The following ATG4B variants were observed in gnomAD, a reference collection of about 807,000 sequenced individuals.
The protein encoded by ATG4B is autophagy related 4B cysteine peptidase.
A neutral mutation model predicts 56.6 loss-of-function variants in ATG4B; 29 were observed. The observed-to-expected ratio is 0.51, with a 90% CI of 0.38 to 0.70. The LOEUF is 0.70. Among genes scored for constraint, ATG4B ranks in the 30% least tolerant of loss-of-function variants. The pLI is 0.00. For missense variants in ATG4B, 461 were observed against 515.5 expected, an observed-to-expected ratio of 0.89 and a Z score of 1.02; for synonymous variants, 224 against 206.1, an observed-to-expected ratio of 1.09 and a Z score of -0.74.
rs760147245 is a variant in ATG4B, at chr2:241,666,708, G to T, written c.602G>T (p.Arg201Leu). 6 of 1,612,854 alleles carry T rather than the reference G, an allele frequency of 3.7e-6. No homozygotes were observed. Among genetic ancestry groups the T allele is most frequent in the African/African-American group, 1.3e-5 (1 of 74,924 alleles). The change falls in exon 8 of 13, where the codon CGG (arginine) becomes CTG (leucine). Residue 201 changes from arginine to leucine, a missense_variant. Arg to Leu is a moderately radical substitution (Grantham distance 102). Coordinates refer to ENST00000404914, the MANE Select transcript of ATG4B (RefSeq NM_013325.5). ...GATAFPADSD[R>L]HCNGFPAGAE... is the part of the protein sequence containing the mutation. The stretch of plus-strand genomic sequence containing the variant: ...ACTGCGTTTCCTGCAGATTCCGACC[G>T]GCACTGCAACGGATTCCCTGCCGGA...
chr2:241,637,765 T>C, intron 1 of ATG4B, 41 bp downstream of exon 1: 5 of 1,556,890 alleles, frequency 3.2e-6, no homozygotes, highest in Non-Finnish European at 4.3e-6. Context: ...CAGGAGGTGC[T>C]CGCCTTATCA....
chr2:241,655,762 C>G (rs1559259640), intron 6 of ATG4B, among the ~76,000 whole-genome samples: 1 of 152,194 alleles, frequency 6.6e-6, no homozygotes, highest in Non-Finnish European at 1.5e-5. Flanking sequence ...CCTCGCTCAC[C>G]TTCCCATACA....
chr2:241,656,953 G>A (rs1252366358), intron 6 of ATG4B, among the ~76,000 whole-genome samples: 1 of 151,836 alleles, frequency 6.6e-6, no homozygotes, highest in East Asian at 1.9e-4. Flanking sequence ...GAGCCACCGT[G>A]CCTGGCCAGG....
chr2:241,657,070 G>T (rs546385430), intron 6 of ATG4B, among the ~76,000 whole-genome samples: 1 of 146,948 alleles, frequency 6.8e-6, no homozygotes, highest in South Asian at 2.2e-4. Flanking sequence ...CCTGGGTCCC[G>T]GTTCAAGCAG....
intron 7 of ATG4B, 34 bp downstream of exon 7, chr2:241,659,221 T>A: frequency 6.3e-7 from 1 of 1,590,382 alleles, no homozygotes; most frequent in African/African-American, 1.3e-5. Flanking sequence ...GACAAGAAAG[T>A]TGAAATCACG....
chr2:241,665,012 C>A (rs997125704), intron 7 of ATG4B, among the ~76,000 whole-genome samples: 5 of 151,932 alleles, frequency 3.3e-5, no homozygotes, highest in Non-Finnish European at 7.4e-5. Context: ...TCCAGCTACT[C>A]GGGAGGCTGA....
chr2:241,650,192 G>C (rs1273615393), intron 1 of ATG4B, among the ~76,000 whole-genome samples: 1 of 152,212 alleles, frequency 6.6e-6, no homozygotes, highest in Non-Finnish European at 1.5e-5. Context: ...AGAAAGTGGG[G>C]TGTTGCCCCA....
At chr2:241,642,194 C>T (rs1469124062) in intron 1 of ATG4B, among the ~76,000 whole-genome samples, 12 of 146,626 alleles carry the variant, frequency 8.2e-5, no homozygotes, top group Non-Finnish European at 1.6e-4. Flanking sequence ...GAGATGGAGT[C>T]TTGCTCTGTT....
intron 1 of ATG4B, among the ~76,000 whole-genome samples, chr2:241,647,845 G>A (rs990595096): frequency 2.6e-5 from 4 of 152,058 alleles, no homozygotes; most frequent in Admixed American, 6.6e-5. Flanking sequence ...CGGATGCTGT[G>A]GCTCACGCCT....
chr2:241,672,341 TCGCCTGCCGAGGGCTGCGCCC>T lies in ATG4B; in HGVS notation c.*80_*100del. 1.5e-6 allele frequency: 2 copies of T among 1,347,150 alleles called. No individual in the cohort carries two copies. The highest frequency in any genetic ancestry group is 1.0e-6 in the Non-Finnish European group (1 of 966,258). 83.4% of individuals were successfully genotyped at this position (1,347,150 alleles called of 1,614,324 possible). On this transcript the variant is annotated 3_prime_UTR_variant, in exon 13 of 13. Coordinates refer to ENST00000404914, the MANE Select transcript of ATG4B (RefSeq NM_013325.5). ...GCTGCGTTTCATCCATCCCGCCCGCTCGCCTGCCGAGGGCTGCGCCCCGTGCTGCCTCCCCCCAGAGGGCCA... is the reference window on the plus strand; with the variant it reads ...GCTGCGTTTCATCCATCCCGCCCGCTCGTGCTGCCTCCCCCCAGAGGGCCA...
chr2:241,656,816 C>G (rs968211524), intron 6 of ATG4B, among the ~76,000 whole-genome samples: 1 of 152,204 alleles, frequency 6.6e-6, no homozygotes, highest in Admixed American at 6.5e-5. Flanking sequence ...TGGGATTGTT[C>G]TAGACCCCTC....
intron 1 of ATG4B, among the ~76,000 whole-genome samples, chr2:241,639,166 C>T (rs561403776): frequency 4.6e-5 from 7 of 152,312 alleles, no homozygotes; most frequent in East Asian, 3.9e-4. Context: ...CTGTTTCAAG[C>T]GCAGGCACCA....
At chr2:241,650,901 A>G in intron 1 of ATG4B, 109 bp from the exon 2 acceptor site, 3 of 899,836 alleles carry the variant, frequency 3.3e-6, no homozygotes, top group South Asian at 1.7e-5. Flanking sequence ...TGCTGTTACA[A>G]GAATTTACAG....
At chr2:241,654,845 G>A in intron 5 of ATG4B, 198 bp downstream of exon 5, 1 of 598,698 alleles carries the variant, frequency 1.7e-6, no homozygotes, top group Non-Finnish European at 3.0e-6. Flanking sequence ...GTCCCACCCA[G>A]GCCCAGACCC....
rs375611065 is a variant in ATG4B, at chr2:241,666,730, C to A, written c.624C>A (p.Ala208=). ...DSDRHCNGFP[A]GAEVTNRPSP... ...ACCGGCACTGCAACGGATTCCCTGCCGGAGCTGAGGTCACCAACAGGCCGT... is the reference window on the plus strand; with the variant it reads ...ACCGGCACTGCAACGGATTCCCTGCAGGAGCTGAGGTCACCAACAGGCCGT... Residue 208 remains alanine (A), a synonymous_variant, in exon 8 of 13, where the codon GCC becomes GCA. Coordinates refer to ENST00000404914, the MANE Select transcript of ATG4B (RefSeq NM_013325.5). The A allele has an allele frequency of 6.2e-7, 1 of 1,611,460 alleles. No individual in the cohort carries two copies. Among genetic ancestry groups the A allele is most frequent in the African/African-American group, 1.3e-5 (1 of 74,874 alleles).
At chr2:241,640,524 T>G (rs2067851274) in intron 1 of ATG4B, among the ~76,000 whole-genome samples, 1 of 152,214 alleles carries the variant, frequency 6.6e-6, no homozygotes, top group Non-Finnish European at 1.5e-5. Flanking sequence ...TAGGCATTGT[T>G]CTAGACACTA....
intron 6 of ATG4B, among the ~76,000 whole-genome samples, chr2:241,657,300 T>TTG (rs34349450): frequency 0.14 from 20,770 of 144,182 alleles, 1,638 homozygotes; most frequent in Middle Eastern, 0.28. Flanking sequence ...CTTTTTTTTT[T>TTG]TTTTATTTTT....
At chr2:241,666,502 A>T in intron 7 of ATG4B, 143 bp from the exon 8 acceptor site, 1 of 885,278 alleles carries the variant, frequency 1.1e-6, no homozygotes, top group Non-Finnish European at 1.8e-6. Flanking sequence ...ACGCTTTTCT[A>T]TATTTTCCAA....
chr2:241,671,052 TGGGGGTGGTGA>T (rs772854290), intron 11 of ATG4B, among the ~76,000 whole-genome samples: 3 of 152,204 alleles, frequency 2.0e-5, no homozygotes, highest in Non-Finnish European at 4.4e-5. Flanking sequence ...CCTGTTGAGA[TGGGGGTGGTGA>T]TGGGGTGCTG....
Sources: allele counts gnomAD v4.1 joint callset (sites outside exome capture counted in the v4.1 genomes callset), GRCh38; gene constraint gnomAD v4.1.1; transcripts MANE v1.5; gene names NCBI Gene and HGNC (gene_info 2026-07-23, HGNC 2026-07-21).